ADAD1: variants seen among roughly 807,000 people sequenced by gnomAD.
ADAD1 encodes the protein adenosine deaminase domain containing 1, also known as adenosine deaminase domain-containing protein 1.
Under a neutral mutation model 66.8 loss-of-function variants are expected in ADAD1, and 46 were observed. That is an observed-to-expected ratio of 0.69 (90% confidence interval 0.54 to 0.88). The LOEUF is 0.88. Ranked by LOEUF, ADAD1 falls within the 40% of genes least tolerant of loss-of-function variation. ADAD1 has a pLI of 0.00. For synonymous variants in ADAD1, 248 were observed against 229.4 expected, an observed-to-expected ratio of 1.08 and a Z score of -0.73; for missense variants, 617 against 681.8, an observed-to-expected ratio of 0.91 and a Z score of 1.06.
rs201126399 is a variant in ADAD1, at chr4:122,384,917, G to A, written c.529+951G>A. Among the ~76,000 whole-genome samples, 10 of 152,282 alleles carry A rather than the reference G, an allele frequency of 6.6e-5. No individual in the cohort carries two copies. In the East Asian group the frequency reaches 1.9e-3, roughly 29 times the overall value. ...TATTCATTATTGTTTTCTCCAAAAA[G>A]TACCAATGGTGCCTTAATTACAACT... On this transcript the variant is annotated intron_variant, in intron 5 of 12. Coordinates refer to ENST00000296513, the MANE Select transcript of ADAD1 (RefSeq NM_139243.4).
intron 5 of ADAD1, among the ~76,000 whole-genome samples, chr4:122,384,295 A>T (rs914613830): frequency 1.3e-5 from 2 of 152,192 alleles, no homozygotes; most frequent in Non-Finnish European, 2.9e-5. Context: ...TAATACTTAG[A>T]GGTTTTAAAT....
rs538444166 is a variant in ADAD1, at chr4:122,389,778, A to G, written c.530-3811A>G. Among the ~76,000 whole-genome samples the G allele has an allele frequency of 5.3e-5, 8 of 152,276 alleles. No homozygotes were observed. In the South Asian group the frequency reaches 1.7e-3, roughly 32 times the overall value. On this transcript the variant is annotated intron_variant, in intron 5 of 12. Transcript: ENST00000296513. Reference sequence around the variant, plus strand: ...CACATAAGATGGATCTCCTGAATACATCACACCAATGGGTCTTGACTCCTT... The same window carrying G: ...CACATAAGATGGATCTCCTGAATACGTCACACCAATGGGTCTTGACTCCTT...
chr4:122,391,842 T>C (rs1044823779), intron 5 of ADAD1, among the ~76,000 whole-genome samples: 9 of 152,194 alleles, frequency 5.9e-5, no homozygotes, highest in Non-Finnish European at 1.0e-4. Context: ...CCTGAGTAGC[T>C]GGAATTACAG....
At chr4:122,413,910 T>G (rs1178457063) in intron 10 of ADAD1, among the ~76,000 whole-genome samples, 1 of 145,820 alleles carries the variant, frequency 6.9e-6, no homozygotes, top group Non-Finnish European at 1.5e-5. Context: ...TCTATAGTGT[T>G]TGATTAGATT....
At position 122,412,657 on chromosome 4, in the gene ADAD1, T is replaced by C; in HGVS notation, c.1097T>C (p.Ile366Thr). 1 of 1,613,904 alleles carries C rather than the reference T, an allele frequency of 6.2e-7. No individual in the cohort carries two copies. The highest frequency in any genetic ancestry group is 2.2e-5 in the East Asian group (1 of 44,874). Residue 366 changes from isoleucine to threonine, a missense_variant, in exon 10 of 13, where the codon ATT (isoleucine) becomes ACT (threonine). By Grantham distance (89) the Ile-to-Thr change is moderately conservative. Transcript: ENST00000296513. ...CTCCACGTGGCTGTTGAAGGCAAAA[T>C]TTATCTGACTGTTTACTGTCCTAAA... ...LCLHVAVEGK[I>T]YLTVYCPKDG...
intron 7 of ADAD1, among the ~76,000 whole-genome samples, chr4:122,404,101 C>A (rs1473829614): frequency 2.6e-5 from 4 of 152,160 alleles, no homozygotes; most frequent in African/African-American, 9.7e-5. Context: ...CTATAATCCT[C>A]CCCACTGAGA....
At chr4:122,398,651 T>G (rs1265880273) in intron 7 of ADAD1, among the ~76,000 whole-genome samples, 1 of 152,092 alleles carries the variant, frequency 6.6e-6, no homozygotes, top group African/African-American at 2.4e-5. Flanking sequence ...ATTATTTTAA[T>G]TTTTAAATTA....
chr4:122,412,498 A>T, intron 9 of ADAD1, 82 bp from the exon 10 acceptor site: 1 of 1,142,138 alleles, frequency 8.8e-7, no homozygotes, highest in Non-Finnish European at 1.3e-6. Context: ...TAAACATGTT[A>T]CAGAACAGCT....
intron 11 of ADAD1, 120 bp downstream of exon 11, chr4:122,415,736 C>T: frequency 1.1e-6 from 1 of 918,882 alleles, no homozygotes; most frequent in East Asian, 2.6e-5. Flanking sequence ...TAATTATTAT[C>T]ATTAGTCAAG....
rs373693206 is a variant in ADAD1 at position 122,415,632 on chromosome 4, T to G, written c.1487+16T>G. On this transcript the variant is annotated intron_variant, in intron 11 of 12. Coordinates refer to ENST00000296513, the MANE Select transcript of ADAD1 (RefSeq NM_139243.4). ...TCACTGAAAGGTTAAAATTACTAAT[T>G]TCTTTAAACCATATATTACTTAAGC... 3.1e-6 allele frequency: 5 copies of G among 1,598,798 alleles called. No homozygotes were observed. In the African/African-American group the frequency reaches 5.4e-5, roughly 17 times the overall value.
At chr4:122,408,078 C>T in intron 8 of ADAD1, 47 bp downstream of exon 8, 1 of 1,542,242 alleles carries the variant, frequency 6.5e-7, no homozygotes. Flanking sequence ...ATGCCCTCAG[C>T]CCAAAGTAAC....
chr4:122,394,363 T>G (rs1020087346), intron 6 of ADAD1, among the ~76,000 whole-genome samples: 1 of 152,232 alleles, frequency 6.6e-6, no homozygotes, highest in Non-Finnish European at 1.5e-5. Flanking sequence ...ATTTTTACTT[T>G]TACTACCAAG....
At chr4:122,389,187 C>G (rs1322416358) in intron 5 of ADAD1, among the ~76,000 whole-genome samples, 2 of 152,202 alleles carry the variant, frequency 1.3e-5, no homozygotes, top group Non-Finnish European at 2.9e-5. Flanking sequence ...GAGTGAGTTT[C>G]TTAATCCTGA....
At chr4:122,418,001 A>G (rs1344372140) in intron 11 of ADAD1, among the ~76,000 whole-genome samples, 1 of 152,214 alleles carries the variant, frequency 6.6e-6, no homozygotes, top group East Asian at 1.9e-4. Context: ...AGCTGAATAG[A>G]AAAGTCAGAG....
rs1796450838 is a variant in ADAD1 at position 122,411,231 on chromosome 4, T to C, written c.858T>C (p.Tyr286=). The C allele has an allele frequency of 1.3e-6, 2 of 1,594,308 alleles. No homozygotes were observed. Among genetic ancestry groups the C allele is most frequent in the African/African-American group, 1.4e-5 (1 of 73,452 alleles). ...TARRSLLRYF[Y]RQLLLFYSKN... ...ATAACATTTATTTTAGGTACTTTTA[T>C]AGACAACTTCTGCTCTTCTACAGCA... Residue 286 remains tyrosine (Y), a synonymous_variant, in exon 9 of 13, where the codon TAT becomes TAC. Transcript: ENST00000296513.
At chr4:122,386,363 C>G (rs995380994) in intron 5 of ADAD1, among the ~76,000 whole-genome samples, 1 of 152,154 alleles carries the variant, frequency 6.6e-6, no homozygotes. Context: ...AGTGTCTGTT[C>G]ATATCTGTGG....
intron 12 of ADAD1, among the ~76,000 whole-genome samples, chr4:122,425,538 C>T (rs1478422727): frequency 6.6e-6 from 1 of 150,676 alleles, no homozygotes; most frequent in Non-Finnish European, 1.5e-5. Flanking sequence ...CATTTGTATC[C>T]ATAAGTTATG....
chr4:122,420,804 G>A (rs1271923994), intron 11 of ADAD1, among the ~76,000 whole-genome samples: 1 of 152,150 alleles, frequency 6.6e-6, no homozygotes, highest in Non-Finnish European at 1.5e-5. Context: ...TAGGTTATGT[G>A]TATATGTTAC....
intron 12 of ADAD1, among the ~76,000 whole-genome samples, chr4:122,424,572 T>C (rs1797149711): frequency 6.6e-6 from 1 of 151,860 alleles, no homozygotes; most frequent in Non-Finnish European, 1.5e-5. Flanking sequence ...ATGAAGAAAA[T>C]AAATGAAAAA....
Sources: allele counts gnomAD v4.1 joint callset (sites outside exome capture counted in the v4.1 genomes callset), GRCh38; gene constraint gnomAD v4.1.1; transcripts MANE v1.5; gene names NCBI Gene and HGNC (gene_info 2026-07-23, HGNC 2026-07-21).